The following PITPNM2 variants were observed in gnomAD, a reference collection of about 807,000 sequenced individuals.
PITPNM2 encodes the protein membrane-associated phosphatidylinositol transfer protein 2.
In PITPNM2, 35 loss-of-function variants were observed where a neutral mutation model predicts 132.2. The observed-to-expected ratio is 0.26, with a 90% confidence interval of 0.20 to 0.35. The LOEUF (loss-of-function observed/expected upper bound fraction) is 0.35, where lower values mean the gene tolerates loss of function less well. PITPNM2 is among the 10% of genes least tolerant of loss of function. The pLI, the probability that PITPNM2 is intolerant of heterozygous loss-of-function variation, is 1.00. For synonymous variants in PITPNM2, 738 were observed against 799.2 expected (o/e 0.92, Z 1.29); for missense variants, 1,332 against 1,912.0 (o/e 0.70, Z 5.66).
At chr12:123,122,520 G>A (rs2043052664) in intron 1 of PITPNM2, among the ~76,000 whole-genome samples, 3 of 152,128 alleles carry the variant, frequency 2.0e-5, no homozygotes, top group Non-Finnish European at 2.9e-5. Context: ...AATCCAAGTC[G>A]CAAGCCTGTT....
At chr12:123,018,014 TCCTTCCTTCCTTCCTTCCTTCCTC>T (rs1227526198) in intron 3 of PITPNM2, among the ~76,000 whole-genome samples, 1 of 140,162 alleles carries the variant, frequency 7.1e-6, no homozygotes, top group African/African-American at 2.8e-5. Flanking sequence ...CTTCCTTCCT[TCCTTCCTTCCTTCCTTCCTTCCTC>T]CCTCCCTCCC....
chr12:123,115,335 T>A (rs1267928983), intron 1 of PITPNM2, among the ~76,000 whole-genome samples: 1 of 152,084 alleles, frequency 6.6e-6, no homozygotes, highest in Admixed American at 6.6e-5. Flanking sequence ...ACGTTCAAAG[T>A]GGAGAGACCT....
chr12:123,112,495 G>A (rs2042858409), intron 1 of PITPNM2, among the ~76,000 whole-genome samples: 1 of 151,162 alleles, frequency 6.6e-6, no homozygotes, highest in African/African-American at 2.4e-5. Context: ...AGGAACAAAT[G>A]TCATTTCATT....
intron 2 of PITPNM2, among the ~76,000 whole-genome samples, chr12:123,052,938 T>C (rs1037902239): frequency 6.6e-6 from 1 of 152,164 alleles, no homozygotes; most frequent in African/African-American, 2.4e-5. Flanking sequence ...TGGGGTACAA[T>C]GTCACCATCA....
chr12:123,001,953 C>G (rs1312657780), intron 8 of PITPNM2, among the ~76,000 whole-genome samples: 1 of 146,096 alleles, frequency 6.8e-6, no homozygotes, highest in Non-Finnish European at 1.5e-5. Context: ...ATTACTTGAA[C>G]CTGGGTGGCG....
chr12:123,145,966 T>C (rs1421248018), intron 1 of PITPNM2, among the ~76,000 whole-genome samples: 1 of 152,154 alleles, frequency 6.6e-6, no homozygotes, highest in Non-Finnish European at 1.5e-5. Flanking sequence ...TATAGAATAC[T>C]ATACAGTCAT....
intron 3 of PITPNM2, among the ~76,000 whole-genome samples, chr12:123,018,669 A>G (rs1264141463): frequency 2.0e-5 from 3 of 151,836 alleles, no homozygotes; most frequent in African/African-American, 4.8e-5. Context: ...GGCTTGTCTC[A>G]AACTCTTGGC....
At chr12:123,134,736 G>A (rs1038989028) in intron 1 of PITPNM2, among the ~76,000 whole-genome samples, 4 of 152,150 alleles carry the variant, frequency 2.6e-5, no homozygotes, top group Admixed American at 2.0e-4. Flanking sequence ...AAATAGGCCC[G>A]TTGTGTGGTG....
At chr12:123,120,046 T>C (rs893175218) in intron 1 of PITPNM2, among the ~76,000 whole-genome samples, 3 of 152,174 alleles carry the variant, frequency 2.0e-5, no homozygotes, top group Non-Finnish European at 2.9e-5. Flanking sequence ...CAGGTGCCTG[T>C]ATGGCCTGCC....
chr12:123,001,050 T>C lies in PITPNM2; in HGVS notation c.1153+4A>G, dbSNP rs1198075334. On this transcript the variant is annotated splice_donor_region_variant and intron_variant, in intron 9 of 25. Coordinates refer to ENST00000320201, the MANE Select transcript of PITPNM2 (RefSeq NM_020845.3). ...GGCTCTGCAGCACCCCCAGACCTGC[T>C]GACCTTGTGTGTCTTCCGGCTCTGG... is the stretch of plus-strand genomic sequence containing the variant. The C allele has an allele frequency of 1.2e-6, 2 of 1,613,432 alleles. No homozygotes were observed. Among genetic ancestry groups the C allele is most frequent in the Non-Finnish European group, 8.5e-7 (1 of 1,179,342 alleles).
At chr12:123,026,748 C>G (rs2039874208) in intron 3 of PITPNM2, among the ~76,000 whole-genome samples, 1 of 152,242 alleles carries the variant, frequency 6.6e-6, no homozygotes, top group Non-Finnish European at 1.5e-5. Context: ...CCAGTAGCAT[C>G]CTGTGCGGTC....
At position 123,037,811 on chromosome 12, in the gene PITPNM2, A is replaced by G. The variant is rs369264406; in HGVS notation, c.-95-3126T>C. ...ATAACAACCAGGGGTGAAATCTCGCAGCCTGAGCCAGCACCCAGACACTGG... is the reference window on the plus strand; with the variant it reads ...ATAACAACCAGGGGTGAAATCTCGCGGCCTGAGCCAGCACCCAGACACTGG... On this transcript the variant is annotated intron_variant, in intron 2 of 25. Transcript: ENST00000320201. 4.6e-5 allele frequency among the ~76,000 whole-genome samples: 7 copies of G among 152,368 alleles called. No individual in the cohort carries two copies. The South Asian group carries it at 8.3e-4, about 18-fold the overall frequency.
At chr12:123,053,488 T>C (rs1367444188) in intron 2 of PITPNM2, among the ~76,000 whole-genome samples, 1 of 152,168 alleles carries the variant, frequency 6.6e-6, no homozygotes, top group Admixed American at 6.6e-5. Context: ...TAATTGTAAA[T>C]TCACATGTGG....
chr12:123,059,157 G>A (rs925196282), intron 2 of PITPNM2, among the ~76,000 whole-genome samples: 1 of 152,214 alleles, frequency 6.6e-6, no homozygotes, highest in Non-Finnish European at 1.5e-5. Flanking sequence ...AGGCTGAAGA[G>A]CCCATGTGTT....
In PITPNM2 at chr12:123,108,024, G is replaced by A. The variant is rs151170047; in HGVS notation, c.-96+2361C>T. Reference sequence around the variant, plus strand: ...GAAAGGAGCTGTTTGAAATGGGCTTGGAAGGTGAAACAGGAACCTGACAGG... The same window carrying A: ...GAAAGGAGCTGTTTGAAATGGGCTTAGAAGGTGAAACAGGAACCTGACAGG... On this transcript the variant is annotated intron_variant, in intron 2 of 25. Transcript: ENST00000320201. This position sits in a 1 kb window ranked among gnomAD's most constrained non-coding sequence, Gnocchi z 4.4. Among the ~76,000 whole-genome samples the A allele has an allele frequency of 9.2e-5, 14 of 152,342 alleles. No homozygotes were observed. Among genetic ancestry groups the A allele is most frequent in the African/African-American group, 2.9e-4 (12 of 41,582 alleles).
Position 122,995,592 on chromosome 12 carries a change from G to A in PITPNM2, c.1851C>T (p.Gly617=), listed in dbSNP as rs1032036164. ...CACCACTGCTGCCACCACCGCCACCGCCGCCACCGCCACCACCGCAGCAGT... is the reference window on the plus strand; with the variant it reads ...CACCACTGCTGCCACCACCGCCACCACCGCCACCGCCACCACCGCAGCAGT... The part of the protein sequence containing the change: ...AAHCCGGGGG[G]GGGGGSSGGG... The change falls in exon 14 of 26, where the codon GGC becomes GGT. Residue 617 remains glycine (G), a synonymous_variant. Transcript: ENST00000320201. 12 of 1,604,364 alleles carry A rather than the reference G, an allele frequency of 7.5e-6. No homozygotes were observed. Among genetic ancestry groups the A allele is most frequent in the East Asian group, 2.2e-5 (1 of 44,838 alleles).
In PITPNM2 at chr12:123,106,788, C is replaced by G. The variant is rs957307753; in HGVS notation, c.-96+3597G>C. 6.6e-6 allele frequency among the ~76,000 whole-genome samples: 1 copy of G among 152,206 alleles called. No individual in the cohort carries two copies. Among genetic ancestry groups the G allele is most frequent in the Non-Finnish European group, 1.5e-5 (1 of 68,034 alleles). On this transcript the variant is annotated intron_variant, in intron 2 of 25. Transcript: ENST00000320201. This position sits in a 1 kb window ranked among gnomAD's most constrained non-coding sequence, Gnocchi z 4.4. Reference sequence around the variant, plus strand: ...CTTTGCTCCAGGGCATGAGGGCACTCAGCCCTCTACTTCCTCTCCATAACC... The same window carrying G: ...CTTTGCTCCAGGGCATGAGGGCACTGAGCCCTCTACTTCCTCTCCATAACC...
chr12:123,136,672 T>C (rs1185618833), intron 1 of PITPNM2, among the ~76,000 whole-genome samples: 1 of 151,716 alleles, frequency 6.6e-6, no homozygotes, highest in Non-Finnish European at 1.5e-5. Flanking sequence ...CTGAGGTGGG[T>C]GGATCACGAG....
rs2042500997 is a variant in PITPNM2, at chr12:123,099,531, T to A, written c.-96+10854A>T. On this transcript the variant is annotated intron_variant, in intron 2 of 25. Transcript: ENST00000320201. The surrounding 1 kb of genome is among the most constrained non-coding windows in gnomAD (Gnocchi z 4.2). ...TGGCAGACTTCCCACAAGCTCCTGGTCTGAACATCATCTCCTTCCACATGG... is the reference window on the plus strand; with the variant it reads ...TGGCAGACTTCCCACAAGCTCCTGGACTGAACATCATCTCCTTCCACATGG... Among the ~76,000 whole-genome samples, 1 of 152,144 alleles carries A rather than the reference T, an allele frequency of 6.6e-6. No individual in the cohort carries two copies. The highest frequency in any genetic ancestry group is 1.5e-5 in the Non-Finnish European group (1 of 68,028).
Sources: gnomAD v4.1 joint callset for allele counts (sites outside exome capture counted in the v4.1 genomes callset) on GRCh38, gnomAD v4.1.1 for gene constraint, Gnocchi (gnomAD v3.1) non-coding constraint, MANE v1.5 for transcripts, NCBI Gene and HGNC (gene_info 2026-07-23, HGNC 2026-07-21) for gene names.